The following ATAD2B variants were observed in gnomAD, a reference collection of about 807,000 sequenced individuals.
ATAD2B encodes ATPase family AAA domain containing 2B.
A neutral mutation model predicts 167.6 loss-of-function variants in ATAD2B; 40 were observed. That is an observed-to-expected ratio of 0.24 (90% CI 0.19 to 0.31). ATAD2B has a LOEUF of 0.31. ATAD2B is among the 10% of genes least tolerant of loss of function. The probability of loss-of-function intolerance (pLI) is 1.00; values close to 1 mark genes in which losing one functional copy is unlikely to be tolerated. For synonymous variants in ATAD2B, 579 were observed against 596.5 expected, an observed-to-expected ratio of 0.97 and a Z score of 0.43; for missense variants, 1,242 against 1,757.2, an observed-to-expected ratio of 0.71 and a Z score of 5.24.
intron 1 of ATAD2B, among the ~76,000 whole-genome samples, chr2:23,912,336 C>G (rs952923678): frequency 6.6e-6 from 1 of 151,806 alleles, no homozygotes; most frequent in Non-Finnish European, 1.5e-5. Context: ...AAGACCCTTT[C>G]TAACAAAAAA....
At chr2:23,855,125 C>T (rs868650764) in intron 13 of ATAD2B, among the ~76,000 whole-genome samples, 1 of 149,308 alleles carries the variant, frequency 6.7e-6, no homozygotes, top group African/African-American at 2.5e-5. Flanking sequence ...ATGCGGGGTG[C>T]GGAGGTTGCA....
intron 2 of ATAD2B, among the ~76,000 whole-genome samples, chr2:23,892,449 C>G (rs1238088059): frequency 1.3e-5 from 2 of 151,710 alleles, no homozygotes; most frequent in Non-Finnish European, 2.9e-5. Flanking sequence ...CAGGCGTGAG[C>G]CACTGCGCCC....
At chr2:23,863,992 A>G (rs1178395733) in intron 11 of ATAD2B, among the ~76,000 whole-genome samples, 1 of 152,128 alleles carries the variant, frequency 6.6e-6, no homozygotes, top group Non-Finnish European at 1.5e-5. Context: ...GTTTAAATCT[A>G]ACAGCCTATA....
the ATAD2B span, chr2:23,691,796 C>T: frequency 3.9e-6 from 6 of 1,551,664 alleles, no homozygotes; most frequent in East Asian, 4.9e-5. Flanking sequence ...GTCATCGACT[C>T]GGCCAACGCC....
At chr2:23,760,943 A>C (rs1157355557) in intron 24 of ATAD2B, among the ~76,000 whole-genome samples, 1 of 152,188 alleles carries the variant, frequency 6.6e-6, no homozygotes, top group Non-Finnish European at 1.5e-5. Context: ...CAGAAAAATT[A>C]TGGGTCGCAT....
chr2:23,920,834 T>A (rs546241896), intron 1 of ATAD2B, among the ~76,000 whole-genome samples: 2 of 152,188 alleles, frequency 1.3e-5, no homozygotes, highest in African/African-American at 2.4e-5. Context: ...TCATTGTTCA[T>A]AGACTCCCCC....
intron 1 of ATAD2B, among the ~76,000 whole-genome samples, chr2:23,911,588 G>A (rs990417818): frequency 1.3e-5 from 2 of 149,254 alleles, no homozygotes; most frequent in African/African-American, 4.9e-5. Context: ...GGAGAAAGAA[G>A]AGAACAGAGG....
intron 17 of ATAD2B, among the ~76,000 whole-genome samples, chr2:23,818,102 C>T (rs1686760318): frequency 3.2e-5 from 1 of 31,614 alleles, no homozygotes; most frequent in African/African-American, 7.9e-5. Context: ...ACATTACACA[C>T]ACACACACAC....
At chr2:23,755,663 C>T (rs1057211522) in intron 25 of ATAD2B, among the ~76,000 whole-genome samples, 3 of 152,104 alleles carry the variant, frequency 2.0e-5, no homozygotes, top group African/African-American at 4.8e-5. Flanking sequence ...TGCAGGGACC[C>T]GCCTCCATCC....
At chr2:23,918,386 A>AC (rs774607433) in intron 1 of ATAD2B, among the ~76,000 whole-genome samples, 4 of 152,020 alleles carry the variant, frequency 2.6e-5, no homozygotes, top group Non-Finnish European at 5.9e-5. Context: ...ATACATATAT[A>AC]CTACATATAT....
At chr2:23,914,860 C>T (rs1702821211) in intron 1 of ATAD2B, among the ~76,000 whole-genome samples, 1 of 150,252 alleles carries the variant, frequency 6.7e-6, no homozygotes, top group Non-Finnish European at 1.5e-5. Flanking sequence ...AAAAAAAGAA[C>T]TCTCATACAC....
chr2:23,816,225 T>C (rs778939369), intron 17 of ATAD2B, among the ~76,000 whole-genome samples: 35 of 152,216 alleles, frequency 2.3e-4, no homozygotes, highest in Non-Finnish European at 4.6e-4. Context: ...ACAAGCCTTC[T>C]GGAAAGCAAT....
At chr2:23,694,449 T>C in the ATAD2B span, among the ~76,000 whole-genome samples, 1 of 152,100 alleles carries the variant, frequency 6.6e-6, no homozygotes. Flanking sequence ...CCAAATCCAT[T>C]TTCCACCCTC....
intron 1 of ATAD2B, among the ~76,000 whole-genome samples, chr2:23,920,274 A>G (rs1300716517): frequency 2.0e-5 from 3 of 152,252 alleles, no homozygotes; most frequent in Admixed American, 2.0e-4. Context: ...GAGTTCCACC[A>G]AAACATTCGA....
At position 23,749,127 on chromosome 2, in the gene ATAD2B, C is replaced by G. The variant is rs1285383177; in HGVS notation, c.*2919G>C. ...CTAAAAATAAAATCCAGTAAACCTA[C>G]AAATACATTGGCTTATGAGAAAAAT... On this transcript the variant is annotated 3_prime_UTR_variant, in exon 28 of 28. Coordinates refer to ENST00000238789, the MANE Select transcript of ATAD2B (RefSeq NM_017552.4). 1 of 151,384 alleles carries G rather than the reference C, an allele frequency of 6.6e-6. No homozygotes were observed. Among genetic ancestry groups the G allele is most frequent in the Non-Finnish European group, 1.5e-5 (1 of 67,852 alleles). The allele number at this position is 151,384 out of a possible 1,614,324, so 9.4% of individuals were successfully genotyped here.
chr2:23,895,801 T>C lies in ATAD2B; in HGVS notation c.368+18A>G. The C allele has an allele frequency of 3.2e-6, 5 of 1,562,668 alleles. No homozygotes were observed. The highest frequency in any genetic ancestry group is 4.3e-6 in the Non-Finnish European group (5 of 1,151,264). On this transcript the variant is annotated intron_variant, in intron 2 of 27. Transcript: ENST00000238789. ...CAGTAATTTAAGAAAAAACAATCAA[T>C]GAGTTCTCCTTTCTCACCTGGCCTG...
intron 21 of ATAD2B, among the ~76,000 whole-genome samples, chr2:23,785,117 T>C (rs545951941): frequency 6.6e-6 from 1 of 152,206 alleles, no homozygotes; most frequent in South Asian, 2.1e-4. Flanking sequence ...GGGAGGAATG[T>C]AAATGCTAGC....
the ATAD2B span, among the ~76,000 whole-genome samples, chr2:23,732,180 C>T: frequency 3.9e-5 from 6 of 152,060 alleles, no homozygotes; most frequent in East Asian, 1.9e-4. Flanking sequence ...ATGAACATAG[C>T]CTCACCATAG....
At chr2:23,718,891 T>C in the ATAD2B span, among the ~76,000 whole-genome samples, 4 of 151,704 alleles carry the variant, frequency 2.6e-5, no homozygotes, top group African/African-American at 9.7e-5. Context: ...CACAGCTCCT[T>C]TTCCTGATTC....
Sources: allele counts gnomAD v4.1 joint callset (sites outside exome capture counted in the v4.1 genomes callset), GRCh38; gene constraint gnomAD v4.1.1; transcripts MANE v1.5; gene names NCBI Gene and HGNC (gene_info 2026-07-23, HGNC 2026-07-21).